UTP23: variants seen among roughly 807,000 people sequenced by gnomAD.
UTP23 encodes rRNA-processing protein UTP23 homolog.
Under a neutral mutation model 19.8 loss-of-function variants are expected in UTP23, and 10 were observed. That is an observed-to-expected ratio of 0.50 (90% CI 0.31 to 0.86). UTP23 has a LOEUF of 0.86. Among genes scored for constraint, UTP23 ranks in the 40% least tolerant of loss-of-function variants. UTP23 has a pLI of 0.05. For missense variants in UTP23, 282 were observed against 293.1 expected (o/e 0.96, Z 0.28); for synonymous variants, 108 against 105.4 (o/e 1.02, Z -0.15).
In UTP23 at chr8:116,771,802, CA is replaced by C; in HGVS notation, c.714del (p.Val239TyrfsTer44). The C allele has an allele frequency of 6.3e-7, 1 of 1,590,136 alleles. No individual in the cohort carries two copies. Among genetic ancestry groups the C allele is most frequent in the Non-Finnish European group, 8.5e-7 (1 of 1,174,194 alleles). On this transcript the variant is annotated frameshift_variant, in exon 3 of 3. Coordinates refer to ENST00000309822, the MANE Select transcript of UTP23 (RefSeq NM_032334.3). LOFTEE classifies it high-confidence loss of function. Reference sequence around the variant, plus strand: ...AAAAGAATTCGGAACAGATCTAACCCAAAAGTACTTTCTGAGAAGCAGAATG... The same window carrying C: ...AAAAGAATTCGGAACAGATCTAACCCAAAGTACTTTCTGAGAAGCAGAATG... ...KRKRIRNRSN[P>X]KVLSEKQNAE...
At position 116,772,663 on chromosome 8, in the gene UTP23, G is replaced by C; in HGVS notation, c.*821G>C. On this transcript the variant is annotated 3_prime_UTR_variant, in exon 3 of 3. Transcript: ENST00000309822. Reference sequence around the variant, plus strand: ...CAATAAGGATGATGATTTTCTTTTAGATGTAAATGTTAACTTCAATAGCAA... The same window carrying C: ...CAATAAGGATGATGATTTTCTTTTACATGTAAATGTTAACTTCAATAGCAA... The C allele has an allele frequency of 2.0e-6, 2 of 984,902 alleles. No individual in the cohort carries two copies. The highest frequency in any genetic ancestry group is 2.4e-6 in the Non-Finnish European group (2 of 829,578). The allele number at this position is 984,902 out of a possible 1,614,324, so 61.0% of individuals were successfully genotyped here.
Position 116,773,328 on chromosome 8 carries a change from A to C in UTP23, c.*1486A>C. 1 of 983,424 alleles carries C rather than the reference A, an allele frequency of 1.0e-6. No individual in the cohort carries two copies. Among genetic ancestry groups the C allele is most frequent in the African/African-American group, 1.7e-5 (1 of 57,322 alleles). 60.9% of individuals were successfully genotyped at this position (983,424 alleles called of 1,614,324 possible). On this transcript the variant is annotated 3_prime_UTR_variant, in exon 3 of 3. Coordinates refer to ENST00000309822, the MANE Select transcript of UTP23 (RefSeq NM_032334.3). ...AAAGTGTAGACAAAGTGATAAATGA[A>C]ATATACACTGATGATACTCATTTCA...
Position 116,770,211 on chromosome 8 carries a change from G to C in UTP23, c.208G>C (p.Glu70Gln), listed in dbSNP as rs1430821306. 6.2e-7 allele frequency: 1 copy of C among 1,611,068 alleles called. No homozygotes were observed. The highest frequency in any genetic ancestry group is 1.7e-5 in the Admixed American group (1 of 59,948). Residue 70 changes from glutamate to glutamine, a missense_variant, in exon 2 of 3, where the codon GAA becomes CAA. Glu to Gln is a conservative substitution (Grantham distance 29). Transcript: ENST00000309822. ...CTTRCVLKEL[E>Q]TLGKDLYGAK... ...TTTCAGATGTGTGTTAAAAGAGCTAGAAACATTGGGAAAGGACTTATATGG... is the reference window on the plus strand; with the variant it reads ...TTTCAGATGTGTGTTAAAAGAGCTACAAACATTGGGAAAGGACTTATATGG...
intron 1 of UTP23, chr8:116,767,026 A>G: frequency 2.3e-6 from 1 of 436,782 alleles, no homozygotes; most frequent in Admixed American, 4.3e-5. Context: ...AGAGCACATT[A>G]TAGCAGAGAG....
At position 116,773,171 on chromosome 8, in the gene UTP23, G is replaced by A; in HGVS notation, c.*1329G>A. 1.0e-6 allele frequency: 1 copy of A among 985,432 alleles called. No homozygotes were observed. The highest frequency in any genetic ancestry group is 1.2e-6 in the Non-Finnish European group (1 of 829,924). 61.0% of individuals were successfully genotyped at this position (985,432 alleles called of 1,614,324 possible). ...GGTAGTGTTTGGATTGCAATGTCAT[G>A]ATTCTATTTTAAATTCTTGATGGTA... On this transcript the variant is annotated 3_prime_UTR_variant, in exon 3 of 3. Transcript: ENST00000309822.
intron 1 of UTP23, among the ~76,000 whole-genome samples, chr8:116,767,323 AAGTC>A (rs1267563463): frequency 6.6e-6 from 1 of 152,172 alleles, no homozygotes; most frequent in African/African-American, 2.4e-5. Flanking sequence ...CCAGGGCAAA[AAGTC>A]AGTACTTGAG....
In UTP23 at chr8:116,772,040, G is replaced by T; in HGVS notation, c.*198G>T. The T allele has an allele frequency of 8.0e-7, 1 of 1,245,048 alleles. No individual in the cohort carries two copies. Among genetic ancestry groups the T allele is most frequent in the Non-Finnish European group, 1.0e-6 (1 of 990,936 alleles). The allele number at this position is 1,245,048 out of a possible 1,614,324, so 77.1% of individuals were successfully genotyped here. ...TCTACTAAAATACAAAAATTAGCTG[G>T]GCATGATGGTGCACAGTTGTAATTC... On this transcript the variant is annotated 3_prime_UTR_variant, in exon 3 of 3. Coordinates refer to ENST00000309822, the MANE Select transcript of UTP23 (RefSeq NM_032334.3).
At chr8:116,771,411 C>T in intron 2 of UTP23, 45 bp from the exon 3 acceptor site, 5 of 1,361,482 alleles carry the variant, frequency 3.7e-6, no homozygotes, top group South Asian at 2.3e-5. Context: ...TTTAAGGTAC[C>T]TTAATTGACA....
rs1056499197 is a variant in UTP23 at position 116,772,448 on chromosome 8, A to G, written c.*606A>G. ...TGAAGAATTTATATTTCCAAATTGTATGATTATACCGCTACTTTTTGATAC... is the reference window on the plus strand; with the variant it reads ...TGAAGAATTTATATTTCCAAATTGTGTGATTATACCGCTACTTTTTGATAC... On this transcript the variant is annotated 3_prime_UTR_variant, in exon 3 of 3. Coordinates refer to ENST00000309822, the MANE Select transcript of UTP23 (RefSeq NM_032334.3). The G allele has an allele frequency of 1.1e-6, 1 of 952,038 alleles. No individual in the cohort carries two copies. The highest frequency in any genetic ancestry group is 1.8e-5 in the African/African-American group (1 of 56,642). The allele number at this position is 952,038 out of a possible 1,614,324, so 59.0% of individuals were successfully genotyped here. A position where few individuals can be genotyped will look rare whatever the true frequency, so the allele number is the denominator to read the frequency against.
Position 116,766,694 on chromosome 8 carries a change from G to C in UTP23, c.91G>C (p.Asp31His). 6.2e-7 allele frequency: 1 copy of C among 1,613,694 alleles called. No individual in the cohort carries two copies. Among genetic ancestry groups the C allele is most frequent in the Non-Finnish European group, 8.5e-7 (1 of 1,179,832 alleles). ...CCGCGAGCCGTACCAGATCCTGCTG[G>C]ACGGCACCTTCTGTCAGGCGGCGCT... Reference protein sequence around the residue: ...GVREPYQILLDGTFCQAALRG... With the variant: ...GVREPYQILLHGTFCQAALRG... Residue 31 changes from aspartate to histidine, a missense_variant, in exon 1 of 3, where the codon GAC (aspartate) becomes CAC (histidine). Coordinates refer to ENST00000309822, the MANE Select transcript of UTP23 (RefSeq NM_032334.3).
intron 1 of UTP23, 164 bp from the exon 2 acceptor site, chr8:116,770,028 C>A: frequency 1.6e-6 from 1 of 611,292 alleles, no homozygotes; most frequent in Non-Finnish European, 2.7e-6. Flanking sequence ...GTTGTTCTTC[C>A]TACTTGGTAA....
intron 2 of UTP23, 145 bp from the exon 3 acceptor site, chr8:116,771,311 C>T (rs1815647356): frequency 1.7e-6 from 1 of 579,868 alleles, no homozygotes; most frequent in Non-Finnish European, 2.7e-6. Flanking sequence ...GAAATATACC[C>T]CCATTACTCA....
Position 116,766,700 on chromosome 8 carries a change from A to G in UTP23, c.97A>G (p.Thr33Ala). The G allele has an allele frequency of 1.2e-6, 2 of 1,613,294 alleles. No individual in the cohort carries two copies. Among genetic ancestry groups the G allele is most frequent in the Non-Finnish European group, 1.7e-6 (2 of 1,179,692 alleles). Residue 33 changes from threonine (T) to alanine (A), a missense_variant, in exon 1 of 3, where the codon ACC becomes GCC. Coordinates refer to ENST00000309822, the MANE Select transcript of UTP23 (RefSeq NM_032334.3). ...GCCGTACCAGATCCTGCTGGACGGC[A>G]CCTTCTGTCAGGCGGCGCTGCGGGG... ...REPYQILLDG[T>A]FCQAALRGRI...
intron 1 of UTP23, 62 bp downstream of exon 1, chr8:116,766,853 CG>C (rs1815588246): frequency 7.0e-7 from 1 of 1,419,728 alleles, no homozygotes; most frequent in African/African-American, 1.4e-5. Context: ...GAGGCGAGGC[CG>C]TTGCTCACAG....
chr8:116,767,909 C>G (rs1815605403), intron 1 of UTP23, among the ~76,000 whole-genome samples: 1 of 152,170 alleles, frequency 6.6e-6, no homozygotes, highest in African/African-American at 2.4e-5. Flanking sequence ...TTTATACACA[C>G]TCACACAAGC....
intron 1 of UTP23, among the ~76,000 whole-genome samples, chr8:116,769,281 T>G (rs1162395879): frequency 6.6e-6 from 1 of 152,106 alleles, no homozygotes; most frequent in Non-Finnish European, 1.5e-5. Context: ...AGCCTAAACC[T>G]GGGAGAGGAA....
Position 116,771,934 on chromosome 8 carries a change from A to G in UTP23, c.*92A>G, listed in dbSNP as rs898392861. 7 of 1,475,252 alleles carry G rather than the reference A, an allele frequency of 4.7e-6. No individual in the cohort carries two copies. Among genetic ancestry groups the G allele is most frequent in the African/African-American group, 1.4e-5 (1 of 70,386 alleles). The allele number at this position is 1,475,252 out of a possible 1,614,324, so 91.4% of individuals were successfully genotyped here. ...AATAAAAGACCAAACTTATTTTTGT[A>G]AATGAACCCATATGCTTTAGCTAAA... On this transcript the variant is annotated 3_prime_UTR_variant, in exon 3 of 3. Coordinates refer to ENST00000309822, the MANE Select transcript of UTP23 (RefSeq NM_032334.3).
chr8:116,771,662 G>T lies in UTP23; in HGVS notation c.570G>T (p.Gln190His). ...AGGGTTTAGTGAAAAACACTGAACA[G>T]AGTAGAAGAAAAAAGCGCAAGAAAA... Reference protein sequence around the residue: ...EEQGLVKNTEQSRRKKRKKIS... With the variant: ...EEQGLVKNTEHSRRKKRKKIS... The change falls in exon 3 of 3, where the codon CAG becomes CAT. Residue 190 changes from glutamine to histidine, a missense_variant. Gln to His is a conservative substitution (Grantham distance 24). Coordinates refer to ENST00000309822, the MANE Select transcript of UTP23 (RefSeq NM_032334.3). 1 of 1,610,894 alleles carries T rather than the reference G, an allele frequency of 6.2e-7. No homozygotes were observed. The highest frequency in any genetic ancestry group is 1.1e-5 in the South Asian group (1 of 90,128).
In UTP23 at chr8:116,773,769, C is replaced by A; in HGVS notation, c.*1927C>A. On this transcript the variant is annotated 3_prime_UTR_variant, in exon 3 of 3. Transcript: ENST00000309822. ...AGGTTGCAGTGAGCCAAGATCATGC[C>A]ACTGCACTCCAGCCTGGTGAGAGAG... 1 of 470,144 alleles carries A rather than the reference C, an allele frequency of 2.1e-6. No homozygotes were observed. The highest frequency in any genetic ancestry group is 2.8e-6 in the Non-Finnish European group (1 of 359,400). The allele number at this position is 470,144 out of a possible 1,614,324, so 29.1% of individuals were successfully genotyped here. A position where few individuals can be genotyped will look rare whatever the true frequency, so the allele number is the denominator to read the frequency against.
Sources: gnomAD v4.1 joint callset for allele counts (sites outside exome capture counted in the v4.1 genomes callset) on GRCh38, gnomAD v4.1.1 for gene constraint, MANE v1.5 for transcripts, NCBI Gene and HGNC (gene_info 2026-07-23, HGNC 2026-07-21) for gene names.